TMEM9: variants seen among roughly 807,000 people sequenced by gnomAD.
TMEM9 encodes the protein proton-transporting V-type ATPase complex assembly regulator TMEM9.
In TMEM9, 13 loss-of-function variants were observed where a neutral mutation model predicts 22.8. That is an observed-to-expected ratio of 0.57 (90% CI 0.37 to 0.91). The LOEUF (loss-of-function observed/expected upper bound fraction) is 0.91. Among genes scored for constraint, TMEM9 ranks in the 40% least tolerant of loss-of-function variants. The pLI is 0.01. For missense variants in TMEM9, 182 were observed against 238.1 expected (o/e 0.76, Z 1.55); for synonymous variants, 88 against 93.0 (o/e 0.95, Z 0.31).
At chr1:201,146,529 T>C (rs1664986796) in intron 3 of TMEM9, 2 of 659,000 alleles carry the variant, frequency 3.0e-6, no homozygotes, top group Non-Finnish European at 5.6e-6. Flanking sequence ...CTCACTGTAA[T>C]GGTAACTACT....
Position 201,135,426 on chromosome 1 carries a change from C to T in TMEM9, c.*237G>A, listed in dbSNP as rs945784422. Reference sequence around the variant, plus strand: ...TCCATTCCCTTCTGGCCTGCCTTCCCCCTCCCTTCAACCCCAAAGACCCAA... The same window carrying T: ...TCCATTCCCTTCTGGCCTGCCTTCCTCCTCCCTTCAACCCCAAAGACCCAA... On this transcript the variant is annotated 3_prime_UTR_variant, in exon 5 of 5. Coordinates refer to ENST00000367330, the MANE Select transcript of TMEM9 (RefSeq NM_001288565.2). The T allele has an allele frequency of 3.2e-5, 13 of 404,682 alleles. No individual in the cohort carries two copies. The East Asian group carries it at 4.9e-4, about 15-fold the overall frequency. The allele number at this position is 404,682 out of a possible 1,614,324, so 25.1% of individuals were successfully genotyped here.
intron 4 of TMEM9, among the ~76,000 whole-genome samples, chr1:201,139,577 C>G (rs1293542016): frequency 2.0e-5 from 3 of 152,170 alleles, no homozygotes; most frequent in Non-Finnish European, 4.4e-5. Flanking sequence ...CTCACCTCCC[C>G]CCTTACCCCC....
chr1:201,137,158 C>T (rs559483717), intron 4 of TMEM9, among the ~76,000 whole-genome samples: 25 of 152,368 alleles, frequency 1.6e-4, no homozygotes, highest in Admixed American at 5.9e-4. Flanking sequence ...GCTCAGGCAA[C>T]GCCTGAAAGG....
chr1:201,137,726 C>T (rs576798921), intron 4 of TMEM9, among the ~76,000 whole-genome samples: 10 of 152,370 alleles, frequency 6.6e-5, no homozygotes, highest in African/African-American at 1.7e-4. Flanking sequence ...ACTATCCTGG[C>T]TGTCACAGAG....
At chr1:201,152,623 G>A (rs761684964) in intron 1 of TMEM9, among the ~76,000 whole-genome samples, 6 of 152,208 alleles carry the variant, frequency 3.9e-5, no homozygotes, top group Admixed American at 2.0e-4. Flanking sequence ...TACACTTACA[G>A]GGCATTTTTA....
upstream of TMEM9, among the ~76,000 whole-genome samples, chr1:201,157,586 G>A (rs903624851): frequency 9.8e-5 from 15 of 152,290 alleles, no homozygotes; most frequent in Middle Eastern, 3.4e-3. Flanking sequence ...TCTATCTCCC[G>A]TATCAGAAAT....
chr1:201,170,053 G>T (rs1305802733), intron 1 of TMEM9, among the ~76,000 whole-genome samples: 1 of 152,166 alleles, frequency 6.6e-6, no homozygotes, highest in Non-Finnish European at 1.5e-5. Context: ...GGAAAGAAGT[G>T]GGAAATTCAT....
intron 4 of TMEM9, among the ~76,000 whole-genome samples, chr1:201,138,508 C>T (rs372898196): frequency 4.6e-5 from 7 of 152,294 alleles, no homozygotes; most frequent in African/African-American, 1.4e-4. Context: ...CCTCCCCTCT[C>T]CCTCTGAGGC....
At chr1:201,148,213 C>T (rs1182066094) in intron 2 of TMEM9, among the ~76,000 whole-genome samples, 1 of 152,198 alleles carries the variant, frequency 6.6e-6, no homozygotes, top group African/African-American at 2.4e-5. Context: ...AAAGTGGCAT[C>T]TCCATAGTGG....
intron 1 of TMEM9, among the ~76,000 whole-genome samples, chr1:201,166,059 T>C (rs533542321): frequency 2.6e-5 from 4 of 152,156 alleles, no homozygotes; most frequent in Non-Finnish European, 5.9e-5. Context: ...CTTGACATTA[T>C]CAGTATTGCA....
At chr1:201,164,394 T>G (rs1433755660) in intron 1 of TMEM9, among the ~76,000 whole-genome samples, 4 of 152,212 alleles carry the variant, frequency 2.6e-5, no homozygotes, top group Non-Finnish European at 5.9e-5. Context: ...TATAACTTCC[T>G]GCAAATCTAC....
intron 1 of TMEM9, among the ~76,000 whole-genome samples, chr1:201,169,282 T>G (rs908888994): frequency 6.6e-6 from 1 of 152,180 alleles, no homozygotes; most frequent in African/African-American, 2.4e-5. Context: ...TAACTGAGGA[T>G]AGCTTAGTGA....
chr1:201,135,497 A>G lies in TMEM9; in HGVS notation c.*166T>C. On this transcript the variant is annotated 3_prime_UTR_variant, in exon 5 of 5. Coordinates refer to ENST00000367330, the MANE Select transcript of TMEM9 (RefSeq NM_001288565.2). Reference sequence around the variant, plus strand: ...ACCACATCCCTCTTCCCTAATCAAAATAGCCAAGTACAACATTTCTAAAGT... The same window carrying G: ...ACCACATCCCTCTTCCCTAATCAAAGTAGCCAAGTACAACATTTCTAAAGT... The G allele has an allele frequency of 3.0e-6, 2 of 677,072 alleles. No individual in the cohort carries two copies. Among genetic ancestry groups the G allele is most frequent in the Non-Finnish European group, 4.7e-6 (2 of 428,500 alleles). The allele number at this position is 677,072 out of a possible 1,614,324, so 41.9% of individuals were successfully genotyped here.
chr1:201,158,991 A>G (rs138140292), upstream of TMEM9, among the ~76,000 whole-genome samples: 3 of 152,146 alleles, frequency 2.0e-5, no homozygotes, highest in East Asian at 5.8e-4. Flanking sequence ...CATCAACTAT[A>G]TGCCCCTGCT....
At chr1:201,147,699 CCA>C (rs1665090470) in intron 2 of TMEM9, among the ~76,000 whole-genome samples, 1 of 152,200 alleles carries the variant, frequency 6.6e-6, no homozygotes, top group African/African-American at 2.4e-5. Flanking sequence ...GTCAGTGCCT[CCA>C]CAGAGCCCCT....
chr1:201,152,163 TGTGTG>T (rs538697635), intron 1 of TMEM9, among the ~76,000 whole-genome samples: 1,425 of 72,812 alleles, frequency 0.02, 20 homozygotes, highest in African/African-American at 0.17. Flanking sequence ...GGGAAATGGG[TGTGTG>T]TGTGTGTGTG....
chr1:201,138,902 G>T (rs6703022), intron 4 of TMEM9, among the ~76,000 whole-genome samples: 1 of 152,060 alleles, frequency 6.6e-6, no homozygotes, highest in Non-Finnish European at 1.5e-5. Context: ...TTTCTCCTAA[G>T]AGGGAGCCAG....
chr1:201,170,785 G>T (rs1374866840), intron 1 of TMEM9, among the ~76,000 whole-genome samples: 1 of 152,190 alleles, frequency 6.6e-6, no homozygotes, highest in Non-Finnish European at 1.5e-5. Context: ...CCCGGGCCTC[G>T]CAGTCCAAAC....
intron 1 of TMEM9, among the ~76,000 whole-genome samples, chr1:201,169,079 A>T (rs1666151449): frequency 6.6e-6 from 1 of 151,900 alleles, no homozygotes; most frequent in South Asian, 2.1e-4. Context: ...ATTTGTGTAA[A>T]GAACTTAGAT....
Sources: gnomAD v4.1 joint callset for allele counts (sites outside exome capture counted in the v4.1 genomes callset) on GRCh38, gnomAD v4.1.1 for gene constraint, MANE v1.5 for transcripts, NCBI Gene and HGNC (gene_info 2026-07-23, HGNC 2026-07-21) for gene names.